RTL4: variants seen among roughly 807,000 people sequenced by gnomAD.
RTL4 encodes the protein retrotransposon Gag like 4, also known as retrotransposon Gag-like protein 4.
Under a neutral mutation model 5.3 loss-of-function variants are expected in RTL4, and 4 were observed. The ratio of observed to expected loss-of-function variants is 0.75; its 90% CI spans 0.37 to 1.72. The LOEUF is 1.72. RTL4 is among the 40% of genes most tolerant of loss of function. RTL4 has a pLI of 0.04. For synonymous variants in RTL4, 98 were observed against 87.3 expected, an observed-to-expected ratio of 1.12 and a Z score of -0.68; for missense variants, 260 against 227.1, an observed-to-expected ratio of 1.14 and a Z score of -0.93.
the RTL4 span, among the ~76,000 whole-genome samples, chrX:112,177,752 T>C: frequency 9.0e-6 from 1 of 111,246 alleles, no homozygotes; most frequent in Non-Finnish European, 1.9e-5. Flanking sequence ...TTGCAGCTTC[T>C]ACTAGGTACA....
the RTL4 span, among the ~76,000 whole-genome samples, chrX:112,436,999 G>A: frequency 9.0e-6 from 1 of 111,721 alleles, no homozygotes; most frequent in African/African-American, 3.3e-5. Context: ...TGTAAAATAG[G>A]AACAACCAGT....
chrX:112,380,401 C>T, the RTL4 span, among the ~76,000 whole-genome samples: 3 of 111,720 alleles, frequency 2.7e-5, no homozygotes, highest in African/African-American at 9.8e-5. Flanking sequence ...ATCTGCCCGC[C>T]TCGGCCTCCC....
the RTL4 span, among the ~76,000 whole-genome samples, chrX:112,362,811 G>A: frequency 1.3e-4 from 14 of 110,883 alleles, no homozygotes; most frequent in Admixed American, 1.1e-3. Flanking sequence ...TTTCCTGGAC[G>A]ATTCTGATTT....
At chrX:112,143,631 G>A in the RTL4 span, among the ~76,000 whole-genome samples, 2 of 111,492 alleles carry the variant, frequency 1.8e-5, no homozygotes, top group South Asian at 7.5e-4. Context: ...TTTTTTATCA[G>A]CCATTAATAA....
the RTL4 span, among the ~76,000 whole-genome samples, chrX:112,167,891 A>G: frequency 9.0e-6 from 1 of 110,819 alleles, no homozygotes; most frequent in African/African-American, 3.3e-5. Context: ...AAAAAAAAAC[A>G]CGGTCAACAT....
the RTL4 span, among the ~76,000 whole-genome samples, chrX:112,426,084 T>TA: frequency 3.6e-5 from 4 of 111,695 alleles, no homozygotes; most frequent in Non-Finnish European, 7.6e-5. Flanking sequence ...AGGTCTATGA[T>TA]ACATTTAGTG....
At chrX:112,416,457 G>GAT in the RTL4 span, among the ~76,000 whole-genome samples, 1 of 112,132 alleles carries the variant, frequency 8.9e-6, no homozygotes, top group Non-Finnish European at 1.9e-5. Flanking sequence ...ATGCCTGTGA[G>GAT]ATACGCACCT....
the RTL4 span, among the ~76,000 whole-genome samples, chrX:112,351,587 C>A: frequency 2.8e-5 from 3 of 108,005 alleles, no homozygotes; most frequent in Admixed American, 1.0e-4. Flanking sequence ...ATACTTAGCT[C>A]TTCTTGTTGA....
the RTL4 span, among the ~76,000 whole-genome samples, chrX:112,276,679 A>C: frequency 8.9e-6 from 1 of 111,851 alleles, no homozygotes; most frequent in Non-Finnish European, 1.9e-5. Flanking sequence ...AGGTGACTGC[A>C]TCATATGATT....
chrX:112,331,704 C>T, the RTL4 span, among the ~76,000 whole-genome samples: 1 of 103,989 alleles, frequency 9.6e-6, no homozygotes, highest in South Asian at 4.6e-4. Context: ...AAGACACATG[C>T]ACATGTATGT....
At chrX:112,164,851 A>G in the RTL4 span, among the ~76,000 whole-genome samples, 1 of 111,571 alleles carries the variant, frequency 9.0e-6, no homozygotes, top group Non-Finnish European at 1.9e-5. Flanking sequence ...CTTCCTGCCT[A>G]AGAGTATTTG....
chrX:112,302,153 T>C, the RTL4 span, among the ~76,000 whole-genome samples: 4 of 107,117 alleles, frequency 3.7e-5, no homozygotes, highest in Admixed American at 1.0e-4. Flanking sequence ...CCCAGCTACT[T>C]GGGAGGATGA....
At chrX:112,094,035 C>T in the RTL4 span, among the ~76,000 whole-genome samples, 1 of 111,505 alleles carries the variant, frequency 9.0e-6, no homozygotes. Context: ...ACTTATATGA[C>T]TAGGAATTCA....
the RTL4 span, among the ~76,000 whole-genome samples, chrX:112,322,433 TATA>T: frequency 9.1e-6 from 1 of 110,317 alleles, no homozygotes; most frequent in African/African-American, 3.3e-5. Context: ...TATAGTTTTA[TATA>T]ATAATAATGA....
chrX:112,119,034 T>G, the RTL4 span, among the ~76,000 whole-genome samples: 5 of 107,241 alleles, frequency 4.7e-5, no homozygotes, highest in African/African-American at 1.7e-4. Flanking sequence ...TTTTTTGTAT[T>G]TTTAGTAGAG....
chrX:112,317,973 T>C, the RTL4 span, among the ~76,000 whole-genome samples: 1 of 112,309 alleles, frequency 8.9e-6, no homozygotes, highest in African/African-American at 3.2e-5. Context: ...GAAATAGCTC[T>C]TGTATCTGAA....
At chrX:112,104,791 A>G in the RTL4 span, among the ~76,000 whole-genome samples, 3 of 111,491 alleles carry the variant, frequency 2.7e-5, no homozygotes, top group Non-Finnish European at 5.7e-5. Flanking sequence ...TATATCTTGA[A>G]TATTAATCCC....
chrX:112,119,553 A>G, the RTL4 span, among the ~76,000 whole-genome samples: 1 of 111,609 alleles, frequency 9.0e-6, no homozygotes, highest in Admixed American at 9.6e-5. Context: ...TGGAGTGGAA[A>G]CACACATGCC....
the RTL4 span, among the ~76,000 whole-genome samples, chrX:112,094,625 T>C: frequency 9.1e-6 from 1 of 110,384 alleles, no homozygotes; most frequent in South Asian, 3.9e-4. Context: ...GATCAGGTAG[T>C]GAAATAAAGG....
Sources: allele counts gnomAD v4.1 joint callset (sites outside exome capture counted in the v4.1 genomes callset), GRCh38; gene constraint gnomAD v4.1.1; transcripts MANE v1.5; gene names NCBI Gene and HGNC (gene_info 2026-07-23, HGNC 2026-07-21).